ANK2: variants seen among roughly 807,000 people sequenced by gnomAD.
ANK2 encodes the protein ankyrin-2.
Under a neutral mutation model 360.5 loss-of-function variants are expected in ANK2, and 83 were observed. The observed-to-expected ratio is 0.23, with a 90% CI of 0.19 to 0.28. ANK2 has a LOEUF of 0.28. Among genes scored for constraint, ANK2 ranks in the 10% least tolerant of loss-of-function variants. ANK2 has a pLI of 1.00. For missense variants in ANK2, 4,201 were observed against 4,795.7 expected (o/e 0.88, Z 3.66); for synonymous variants, 1,740 against 1,759.5 (o/e 0.99, Z 0.28).
At chr4:112,833,571 T>A (rs1261416481) in intron 1 of ANK2, among the ~76,000 whole-genome samples, 1 of 151,794 alleles carries the variant, frequency 6.6e-6, no homozygotes, top group Non-Finnish European at 1.5e-5. Flanking sequence ...TGGCGCCATC[T>A]CTGCTCACTG....
At chr4:112,820,449 C>T (rs1382013675) in intron 1 of ANK2, among the ~76,000 whole-genome samples, 1 of 152,132 alleles carries the variant, frequency 6.6e-6, no homozygotes, top group Non-Finnish European at 1.5e-5. Context: ...AATCATGCAA[C>T]CTAAGGAGAG....
chr4:113,164,392 C>A (rs1166514945), intron 1 of ANK2, among the ~76,000 whole-genome samples: 3 of 152,204 alleles, frequency 2.0e-5, no homozygotes, highest in Non-Finnish European at 4.4e-5. Context: ...AAAATAGTCT[C>A]CGTAGTTTAA....
intron 45 of ANK2, among the ~76,000 whole-genome samples, chr4:113,380,003 T>C (rs2097112376): frequency 6.6e-6 from 1 of 152,196 alleles, no homozygotes; most frequent in Admixed American, 6.5e-5. Context: ...GGACTCAGGC[T>C]CTGGAATCTT....
At chr4:112,997,848 T>C (rs936359169) in intron 2 of ANK2, among the ~76,000 whole-genome samples, 14 of 150,734 alleles carry the variant, frequency 9.3e-5, no homozygotes, top group East Asian at 6.0e-4. Context: ...CATATATATA[T>C]ACACACACAC....
At position 113,204,964 on chromosome 4, in the gene ANK2, A is replaced by G. The variant is rs147589936; in HGVS notation, c.384+5855A>G. Among the ~76,000 whole-genome samples, 327 of 152,298 alleles carry G rather than the reference A, an allele frequency of 2.1e-3. 8 individuals are homozygous for G. The highest frequency in any genetic ancestry group is 8.8e-5 in the Non-Finnish European group (6 of 68,030). Reference sequence around the variant, plus strand: ...ACATGTGTAAGACTTGGCCGGGTGCAGTGGCTCACGCCTGTAATCCCAGCA... The same window carrying G: ...ACATGTGTAAGACTTGGCCGGGTGCGGTGGCTCACGCCTGTAATCCCAGCA... On this transcript the variant is annotated intron_variant, in intron 4 of 45. Coordinates refer to ENST00000357077, the MANE Select transcript of ANK2 (RefSeq NM_001148.6).
intron 2 of ANK2, among the ~76,000 whole-genome samples, chr4:112,956,338 A>G (rs1409476255): frequency 6.6e-6 from 1 of 152,166 alleles, no homozygotes; most frequent in African/African-American, 2.4e-5. Context: ...CAATCTCAGC[A>G]TATGATTTTT....
the ANK2 span, among the ~76,000 whole-genome samples, chr4:112,740,893 G>A: frequency 6.6e-6 from 1 of 152,064 alleles, no homozygotes; most frequent in Admixed American, 6.6e-5. Flanking sequence ...AGGAGGCTAA[G>A]GCAGAAGAAT....
the ANK2 span, among the ~76,000 whole-genome samples, chr4:112,804,849 A>T: frequency 6.6e-6 from 1 of 151,924 alleles, no homozygotes; most frequent in South Asian, 2.1e-4. Flanking sequence ...GTAATACTAG[A>T]TACTCTGGAG....
chr4:112,874,536 G>C (rs1344626648), intron 1 of ANK2, among the ~76,000 whole-genome samples: 1 of 151,090 alleles, frequency 6.6e-6, no homozygotes, highest in Non-Finnish European at 1.5e-5. Context: ...CAGCTACTTG[G>C]GAGGCTGAGG....
intron 1 of ANK2, among the ~76,000 whole-genome samples, chr4:113,123,997 A>G (rs1269905449): frequency 1.3e-5 from 2 of 152,202 alleles, no homozygotes; most frequent in African/African-American, 4.8e-5. Context: ...TGTTTAAGAG[A>G]TAAGTTGCAA....
chr4:113,333,704 T>C (rs2092986794), intron 29 of ANK2, among the ~76,000 whole-genome samples: 1 of 152,212 alleles, frequency 6.6e-6, no homozygotes, highest in Non-Finnish European at 1.5e-5. Flanking sequence ...TACTATAATT[T>C]TTAAACTATT....
chr4:113,223,551 G>A (rs1415865602), intron 4 of ANK2, among the ~76,000 whole-genome samples: 2 of 152,140 alleles, frequency 1.3e-5, no homozygotes, highest in Non-Finnish European at 2.9e-5. Context: ...GATTTTAGAG[G>A]TTCCAGGTAA....
the ANK2 span, among the ~76,000 whole-genome samples, chr4:112,811,102 T>A: frequency 2.0e-5 from 3 of 150,582 alleles, no homozygotes; most frequent in African/African-American, 7.3e-5. Flanking sequence ...TGCCCGCTAA[T>A]TTTTTTTTGT....
At chr4:113,216,018 A>G (rs570278714) in intron 4 of ANK2, among the ~76,000 whole-genome samples, 18 of 152,302 alleles carry the variant, frequency 1.2e-4, no homozygotes, top group African/African-American at 3.8e-4. Context: ...CTGCTTAGAA[A>G]GAGCCTTTTT....
chr4:113,361,377 A>G (rs549299922), intron 39 of ANK2, among the ~76,000 whole-genome samples: 55 of 152,216 alleles, frequency 3.6e-4, no homozygotes, highest in Non-Finnish European at 6.6e-4. Flanking sequence ...GAGAAATGAG[A>G]GTGTTTAAGT....
rs543047913 is a variant in ANK2 at position 112,986,044 on chromosome 4, T to C, written c.21+81530T>C. On this transcript the variant is annotated intron_variant, in intron 2 of 30. Coordinates refer to the ANK2 transcript ENST00000503271. ...TAAAATTATATATAAATATAAAATATATAAAATTATATATAAAATTATGAT... is the reference window on the plus strand; with the variant it reads ...TAAAATTATATATAAATATAAAATACATAAAATTATATATAAAATTATGAT... Among the ~76,000 whole-genome samples, 6 of 145,452 alleles carry C rather than the reference T, an allele frequency of 4.1e-5. No homozygotes were observed. The East Asian group carries it at 1.2e-3, about 28-fold the overall frequency.
Position 113,358,555 on chromosome 4 carries a change from A to G in ANK2, c.9937A>G (p.Thr3313Ala). The change falls in exon 38 of 46, where the codon ACC becomes GCC. Residue 3313 changes from threonine to alanine, a missense_variant. Thr to Ala is a moderately conservative substitution (Grantham distance 58). This residue lies in a region of ANK2 where 2,642 missense variants were observed against 2,714.5 expected (regional missense o/e 0.97). Coordinates refer to ENST00000357077, the MANE Select transcript of ANK2 (RefSeq NM_001148.6). Reference protein sequence around the residue: ...KIPVRTMPTSTPAPPSAEYES... With the variant: ...KIPVRTMPTSAPAPPSAEYES... ...TCCTGTAAGGACTATGCCCACTTCC[A>G]CCCCAGCACCTCCATCTGCAGAGTA... 6.2e-7 allele frequency: 1 copy of G among 1,613,992 alleles called. No individual in the cohort carries two copies. The highest frequency in any genetic ancestry group is 1.1e-5 in the South Asian group (1 of 91,080).
intron 1 of ANK2, among the ~76,000 whole-genome samples, chr4:113,097,919 C>T (rs6844654): frequency 0.57 from 74,985 of 130,838 alleles, 20,088 homozygotes; most frequent in East Asian, 0.7. Context: ...TGTATATATA[C>T]ACACACACAC....
rs2093955007 is a variant in ANK2, at chr4:113,339,150, G to C, written c.3797-76G>C. The C allele has an allele frequency of 1.3e-5, 16 of 1,279,670 alleles. No homozygotes were observed. The Admixed American group carries it at 2.7e-4, about 22-fold the overall frequency. The allele number at this position is 1,279,670 out of a possible 1,614,324, so 79.3% of individuals were successfully genotyped here. ...GGGTGGGATTTGGCTTGTGAACACA[G>C]AACCACAAAGACTTTATTTTAGAAT... On this transcript the variant is annotated intron_variant, in intron 31 of 45. Transcript: ENST00000357077.
Sources: allele counts gnomAD v4.1 joint callset (sites outside exome capture counted in the v4.1 genomes callset), GRCh38; gene constraint gnomAD v4.1.1; regional missense constraint gnomAD v4.1.1; transcripts MANE v1.5; gene names NCBI Gene and HGNC (gene_info 2026-07-23, HGNC 2026-07-21).